RSRC1: variants seen among roughly 807,000 people sequenced by gnomAD.
The protein encoded by RSRC1 is serine/Arginine-related protein 53.
Under a neutral mutation model 49.1 loss-of-function variants are expected in RSRC1, and 39 were observed. That is an observed-to-expected ratio of 0.79 (90% CI 0.61 to 1.04). The LOEUF is 1.04. Among genes scored for constraint, RSRC1 ranks in the 50% least tolerant of loss-of-function variants. The probability of loss-of-function intolerance (pLI) is 0.00; values close to 1 mark genes in which losing one functional copy is unlikely to be tolerated. For synonymous variants in RSRC1, 143 were observed against 130.8 expected (o/e 1.09, Z -0.63); for missense variants, 388 against 402.4 (o/e 0.96, Z 0.31).
chr3:158,193,894 A>C (rs116409162), intron 3 of RSRC1, among the ~76,000 whole-genome samples: 1,667 of 152,246 alleles, frequency 0.011, 17 homozygotes, highest in South Asian at 0.03. Context: ...CAATAAAATA[A>C]TTAAACCTAT....
chr3:158,509,147 C>T (rs1333394456), intron 7 of RSRC1, among the ~76,000 whole-genome samples: 2 of 152,076 alleles, frequency 1.3e-5, no homozygotes, highest in Non-Finnish European at 2.9e-5. Flanking sequence ...TATTTAGATC[C>T]GTGATCCATT....
chr3:158,511,463 T>C (rs1008998710), intron 7 of RSRC1, among the ~76,000 whole-genome samples: 14 of 152,254 alleles, frequency 9.2e-5, no homozygotes, highest in African/African-American at 3.4e-4. Flanking sequence ...CATCATTTTT[T>C]ATGGTTGCAT....
intron 4 of RSRC1, chr3:158,275,802 A>C (rs1725777138): frequency 2.1e-6 from 1 of 473,944 alleles, no homozygotes; most frequent in South Asian, 2.4e-5. Context: ...TACAAACTTT[A>C]CCTATATTAG....
At chr3:158,115,985 C>T (rs910347006) in intron 1 of RSRC1, among the ~76,000 whole-genome samples, 1 of 152,164 alleles carries the variant, frequency 6.6e-6, no homozygotes, top group African/African-American at 2.4e-5. Flanking sequence ...TCTTTACCCA[C>T]GCATGGTTTT....
intron 6 of RSRC1, among the ~76,000 whole-genome samples, chr3:158,359,545 C>T (rs1278622376): frequency 6.6e-6 from 1 of 152,146 alleles, no homozygotes; most frequent in Non-Finnish European, 1.5e-5. Context: ...TGAGAGGCTG[C>T]AGCTGGTCCG....
chr3:158,424,693 T>C (rs1194506418), intron 6 of RSRC1, among the ~76,000 whole-genome samples: 3 of 152,052 alleles, frequency 2.0e-5, no homozygotes, highest in African/African-American at 7.2e-5. Context: ...AATTCGGCTG[T>C]GAATCCATCT....
chr3:158,442,773 C>T (rs928731629), intron 6 of RSRC1, among the ~76,000 whole-genome samples: 2 of 151,962 alleles, frequency 1.3e-5, no homozygotes, highest in African/African-American at 4.8e-5. Flanking sequence ...TTAAGAAATA[C>T]ATTTTATAGG....
intron 3 of RSRC1, among the ~76,000 whole-genome samples, chr3:158,153,263 C>T (rs1047242790): frequency 5.9e-5 from 9 of 152,202 alleles, no homozygotes; most frequent in African/African-American, 2.2e-4. Context: ...TGATCTGCAA[C>T]TCTTTCTCTT....
rs1421821411 is a variant in RSRC1 at position 158,356,508 on chromosome 3, CTTA to C, written c.583+1604_583+1606del. Among the ~76,000 whole-genome samples the C allele has an allele frequency of 5.9e-5, 9 of 151,868 alleles. No individual in the cohort carries two copies. The East Asian group carries it at 1.7e-3, about 29-fold the overall frequency. ...TTGATGAAGTGTCTCTATACTCCTC[CTTA>C]TTACTCTAAAAATAATTCATAGTTT... is the stretch of plus-strand genomic sequence containing the variant. On this transcript the variant is annotated intron_variant, in intron 6 of 9. Coordinates refer to ENST00000611884, the MANE Select transcript of RSRC1 (RefSeq NM_001271838.2).
chr3:158,296,752 C>G (rs1359779568), intron 4 of RSRC1, among the ~76,000 whole-genome samples: 1 of 151,976 alleles, frequency 6.6e-6, no homozygotes, highest in Non-Finnish European at 1.5e-5. Context: ...CATTAAATAT[C>G]TAAACATTGA....
intron 3 of RSRC1, among the ~76,000 whole-genome samples, chr3:158,183,863 C>G (rs1345583354): frequency 6.6e-6 from 1 of 152,070 alleles, no homozygotes; most frequent in Admixed American, 6.6e-5. Context: ...CTGCAGTGAT[C>G]ATGGCACTGC....
At chr3:158,221,771 C>A (rs1722232203) in intron 4 of RSRC1, among the ~76,000 whole-genome samples, 2 of 151,432 alleles carry the variant, frequency 1.3e-5, no homozygotes, top group African/African-American at 4.8e-5. Flanking sequence ...ATAGGGAAGC[C>A]TACTTTTCAT....
intron 7 of RSRC1, among the ~76,000 whole-genome samples, chr3:158,471,341 C>T (rs1017546405): frequency 1.3e-5 from 2 of 152,100 alleles, no homozygotes; most frequent in Non-Finnish European, 2.9e-5. Context: ...TTTATTTTTC[C>T]ATCCGTGGAA....
chr3:158,127,489 GCTATTGTATT>G (rs1715702788), intron 3 of RSRC1, among the ~76,000 whole-genome samples: 5 of 151,574 alleles, frequency 3.3e-5, no homozygotes, highest in African/African-American at 9.7e-5. Flanking sequence ...TTTCAATTCA[GCTATTGTATT>G]CTTTGGCATT....
At chr3:158,145,356 C>A (rs1717019200) in intron 3 of RSRC1, among the ~76,000 whole-genome samples, 1 of 152,170 alleles carries the variant, frequency 6.6e-6, no homozygotes, top group African/African-American at 2.4e-5. Context: ...ATATGGCTAG[C>A]CAGTTTTCCC....
At chr3:158,317,724 A>C (rs1728539717) in intron 5 of RSRC1, among the ~76,000 whole-genome samples, 1 of 151,388 alleles carries the variant, frequency 6.6e-6, no homozygotes, top group African/African-American at 2.4e-5. Flanking sequence ...ATGGCTGGCT[A>C]ATTTTTTGTA....
In RSRC1 at chr3:158,544,260, C is replaced by T. The variant is rs1413782904; in HGVS notation, c.990C>T (p.Gly330=). The T allele has an allele frequency of 6.2e-7, 1 of 1,608,612 alleles. No homozygotes were observed. The highest frequency in any genetic ancestry group is 2.2e-5 in the East Asian group (1 of 44,706). Residue 330 remains glycine (G), a synonymous_variant, in exon 10 of 10, where the codon GGC becomes GGT. Transcript: ENST00000611884. ...LIALRQERLM[G]SPVA ...CTCTCCGACAAGAAAGACTAATGGG[C>T]AGTCCTGTGGCCTAAGTAATATACA... is the stretch of plus-strand genomic sequence containing the variant.
At chr3:158,376,163 CCCTCCCTT>C (rs1321896521) in intron 6 of RSRC1, among the ~76,000 whole-genome samples, 2 of 129,780 alleles carry the variant, frequency 1.5e-5, no homozygotes, top group African/African-American at 6.1e-5. Context: ...CTCCCTCCCT[CCCTCCCTT>C]CCTTCTTCCC....
intron 7 of RSRC1, among the ~76,000 whole-genome samples, chr3:158,497,944 C>T (rs1362068012): frequency 6.6e-6 from 1 of 152,166 alleles, no homozygotes; most frequent in Non-Finnish European, 1.5e-5. Context: ...ACACATATCT[C>T]ACAGTTTATT....
Sources: gnomAD v4.1 joint callset for allele counts (sites outside exome capture counted in the v4.1 genomes callset) on GRCh38, gnomAD v4.1.1 for gene constraint, MANE v1.5 for transcripts, NCBI Gene and HGNC (gene_info 2026-07-23, HGNC 2026-07-21) for gene names.